The following KIAA0232 variants were observed in gnomAD, a reference collection of about 807,000 sequenced individuals.
KIAA0232 encodes KIAA0232, also known as uncharacterized protein KIAA0232.
Under a neutral mutation model 122.0 loss-of-function variants are expected in KIAA0232, and 27 were observed. The ratio of observed to expected loss-of-function variants is 0.22; its 90% CI spans 0.16 to 0.31. The LOEUF is 0.31. Ranked by LOEUF, KIAA0232 falls within the 10% of genes least tolerant of loss-of-function variation. KIAA0232 has a pLI of 1.00. For synonymous variants in KIAA0232, 613 were observed against 587.6 expected (o/e 1.04, Z -0.63); for missense variants, 1,551 against 1,634.2 (o/e 0.95, Z 0.88).
At chr4:6,865,818 T>G (rs950493227) in intron 7 of KIAA0232, among the ~76,000 whole-genome samples, 2 of 152,252 alleles carry the variant, frequency 1.3e-5, no homozygotes, top group African/African-American at 2.4e-5. Context: ...CCACTCTGCA[T>G]CAGAATTAAT....
At chr4:6,804,153 C>T (rs1273124108) in intron 1 of KIAA0232, among the ~76,000 whole-genome samples, 1 of 152,140 alleles carries the variant, frequency 6.6e-6, no homozygotes, top group East Asian at 1.9e-4. Context: ...TCAAGGATGC[C>T]TTAAAGTGCA....
chr4:6,837,126 G>T (rs991519901), intron 3 of KIAA0232, among the ~76,000 whole-genome samples: 1 of 151,922 alleles, frequency 6.6e-6, no homozygotes, highest in African/African-American at 2.4e-5. Flanking sequence ...GCAGCGGCCG[G>T]GCGGGGGCTG....
At chr4:6,819,884 G>A (rs1718338421) in intron 2 of KIAA0232, among the ~76,000 whole-genome samples, 1 of 152,004 alleles carries the variant, frequency 6.6e-6, no homozygotes, top group Non-Finnish European at 1.5e-5. Flanking sequence ...AATAAAATGT[G>A]GTACATATAT....
rs182157316 is a variant in KIAA0232 at position 6,818,426 on chromosome 4, C to T, written c.-269-5759C>T. On this transcript the variant is annotated intron_variant, in intron 2 of 9. Transcript: ENST00000307659. ...AAAAAAAAAAAAAAAAAAGAATACA[C>T]TCCCTGGACTGGCAGTAGTTCAGTG... 2.7e-5 allele frequency among the ~76,000 whole-genome samples: 4 copies of T among 149,356 alleles called. No homozygotes were observed. The East Asian group carries it at 8.0e-4, about 30-fold the overall frequency.
At chr4:6,825,877 T>C (rs1250488599) in intron 3 of KIAA0232, among the ~76,000 whole-genome samples, 9 of 152,178 alleles carry the variant, frequency 5.9e-5, no homozygotes, top group Middle Eastern at 3.2e-3. Context: ...TCAGGAGATA[T>C]TGGCTTTGCC....
intron 4 of KIAA0232, among the ~76,000 whole-genome samples, chr4:6,856,870 T>A (rs1720596217): frequency 6.6e-6 from 1 of 152,206 alleles, no homozygotes; most frequent in African/African-American, 2.4e-5. Flanking sequence ...ATCTGCCCCA[T>A]GAGCAAGATG....
intron 3 of KIAA0232, among the ~76,000 whole-genome samples, chr4:6,825,938 A>G (rs1257913832): frequency 1.3e-5 from 2 of 152,166 alleles, no homozygotes; most frequent in Non-Finnish European, 2.9e-5. Flanking sequence ...ACACATACAG[A>G]GGATTTCACC....
chr4:6,876,803 C>T, intron 9 of KIAA0232, 46 bp downstream of exon 9: 2 of 1,324,954 alleles, frequency 1.5e-6, no homozygotes, highest in Non-Finnish European at 2.2e-6. Flanking sequence ...CAAACAGCCA[C>T]CACCTCCAGT....
intron 2 of KIAA0232, among the ~76,000 whole-genome samples, chr4:6,817,348 C>A (rs750451033): frequency 1.4e-4 from 21 of 152,170 alleles, no homozygotes; most frequent in Non-Finnish European, 2.6e-4. Context: ...TCCCAAGTAG[C>A]TGGGACTACA....
chr4:6,794,383 C>T (rs977870204), intron 1 of KIAA0232, among the ~76,000 whole-genome samples: 11 of 152,212 alleles, frequency 7.2e-5, no homozygotes, highest in African/African-American at 2.7e-4. Flanking sequence ...TTGAGGCTGT[C>T]AGCTTAGTTT....
chr4:6,801,222 G>A (rs931989252), intron 1 of KIAA0232, among the ~76,000 whole-genome samples: 3 of 152,106 alleles, frequency 2.0e-5, no homozygotes, highest in African/African-American at 7.2e-5. Flanking sequence ...AATGTGGCTT[G>A]TGCCATTAAA....
intron 2 of KIAA0232, among the ~76,000 whole-genome samples, chr4:6,813,609 G>A (rs533451781): frequency 3.9e-5 from 6 of 152,156 alleles, no homozygotes; most frequent in Admixed American, 2.0e-4. Context: ...TGATCCGCCC[G>A]CCTCGGCCTC....
At chr4:6,785,748 G>C (rs1716594091) in intron 1 of KIAA0232, among the ~76,000 whole-genome samples, 1 of 152,110 alleles carries the variant, frequency 6.6e-6, no homozygotes, top group South Asian at 2.1e-4. Flanking sequence ...TTAGAATTCA[G>C]AGATACCAGC....
chr4:6,860,817 C>G, intron 6 of KIAA0232, 84 bp from the exon 7 acceptor site: 1 of 1,146,908 alleles, frequency 8.7e-7, no homozygotes, highest in Non-Finnish European at 1.3e-6. Flanking sequence ...ATGAAATATT[C>G]CATTCTTCTG....
In KIAA0232 at chr4:6,882,681, T is replaced by C. The variant is rs1412839922; in HGVS notation, c.*1715T>C. 1 of 152,686 alleles carries C rather than the reference T, an allele frequency of 6.5e-6. No individual in the cohort carries two copies. The highest frequency in any genetic ancestry group is 1.5e-5 in the Non-Finnish European group (1 of 68,052). The allele number at this position is 152,686 out of a possible 1,614,324, so 9.5% of individuals were successfully genotyped here. A position where few individuals can be genotyped will look rare whatever the true frequency, so the allele number is the denominator to read the frequency against. Reference sequence around the variant, plus strand: ...GCGCGCGCGCATGTGTAAGGTTTTATGTTGCTGTTATTTATTTACGAACTT... The same window carrying C: ...GCGCGCGCGCATGTGTAAGGTTTTACGTTGCTGTTATTTATTTACGAACTT... On this transcript the variant is annotated 3_prime_UTR_variant, in exon 10 of 10. Coordinates refer to ENST00000307659, the MANE Select transcript of KIAA0232 (RefSeq NM_014743.3).
intron 1 of KIAA0232, among the ~76,000 whole-genome samples, chr4:6,792,529 T>C (rs775804396): frequency 6.6e-6 from 1 of 152,224 alleles, no homozygotes; most frequent in African/African-American, 2.4e-5. Context: ...GATAATTTCA[T>C]ACAATTAAGC....
At chr4:6,803,107 G>A (rs1290951785) in intron 1 of KIAA0232, among the ~76,000 whole-genome samples, 1 of 150,746 alleles carries the variant, frequency 6.6e-6, no homozygotes, top group East Asian at 1.9e-4. Flanking sequence ...CTTGAGCCCA[G>A]GAGTTCTAGG....
intron 8 of KIAA0232, among the ~76,000 whole-genome samples, chr4:6,876,111 T>A (rs963781090): frequency 6.6e-6 from 1 of 152,258 alleles, no homozygotes; most frequent in African/African-American, 2.4e-5. Flanking sequence ...ATGGAATCGC[T>A]AGCACCATTT....
rs541434283 is a variant in KIAA0232, at chr4:6,829,895, G to C, written c.231+5211G>C. ...TGGGAAGGGATGCACTAGCAGATGA[G>C]GGTGTGTTTCAGTATTGTTCTTATA... On this transcript the variant is annotated intron_variant, in intron 3 of 9. Transcript: ENST00000307659. 7.2e-5 allele frequency among the ~76,000 whole-genome samples: 11 copies of C among 152,278 alleles called. 1 individual carries two copies. In the South Asian group the frequency reaches 2.3e-3, roughly 32 times the overall value.
Sources: allele counts gnomAD v4.1 joint callset (sites outside exome capture counted in the v4.1 genomes callset), GRCh38; gene constraint gnomAD v4.1.1; transcripts MANE v1.5; gene names NCBI Gene and HGNC (gene_info 2026-07-23, HGNC 2026-07-21).